RELN: variants seen among roughly 807,000 people sequenced by gnomAD.
RELN encodes reelin.
Under a neutral mutation model 427.6 loss-of-function variants are expected in RELN, and 108 were observed. That is an observed-to-expected ratio of 0.25 (90% CI 0.22 to 0.30). The LOEUF (loss-of-function observed/expected upper bound fraction) is 0.30, where lower values mean the gene tolerates loss of function less well. Among genes scored for constraint, RELN ranks in the 10% least tolerant of loss-of-function variants. The pLI is 1.00. For missense variants in RELN, 3,715 were observed against 4,302.8 expected (o/e 0.86, Z 3.82); for synonymous variants, 1,524 against 1,513.4 (o/e 1.01, Z -0.16).
chr7:103,692,563 T>C (rs1480590319), intron 10 of RELN, among the ~76,000 whole-genome samples: 2 of 151,950 alleles, frequency 1.3e-5, no homozygotes, highest in African/African-American at 4.8e-5. Flanking sequence ...GAGACCTACA[T>C]TGGAGGTGAG....
At chr7:103,724,162 A>C (rs1790144674) in intron 7 of RELN, among the ~76,000 whole-genome samples, 2 of 147,168 alleles carry the variant, frequency 1.4e-5, no homozygotes, top group Admixed American at 1.4e-4. Context: ...AGGTTGTCTT[A>C]CTTTTGCTGC....
chr7:103,858,164 A>G (rs1057285933), intron 2 of RELN, among the ~76,000 whole-genome samples: 5 of 152,206 alleles, frequency 3.3e-5, no homozygotes, highest in African/African-American at 9.6e-5. Flanking sequence ...GGCACTCGGC[A>G]GCTTGGGCTC....
In RELN at chr7:103,620,654, A is replaced by G. The variant is rs1033601484; in HGVS notation, c.2703-8851T>C. Reference sequence around the variant, plus strand: ...ACACCCAGCTAATTTCTGTATTTTTAGTAGAGATGAGGTTCCATCATGTTG... The same window carrying G: ...ACACCCAGCTAATTTCTGTATTTTTGGTAGAGATGAGGTTCCATCATGTTG... On this transcript the variant is annotated intron_variant, in intron 20 of 64. Transcript: ENST00000428762. This position sits in a 1 kb window ranked among gnomAD's most constrained non-coding sequence, Gnocchi z 4.1. Among the ~76,000 whole-genome samples the G allele has an allele frequency of 5.9e-5, 9 of 151,918 alleles. No individual in the cohort carries two copies. The highest frequency in any genetic ancestry group is 1.9e-4 in the African/African-American group (8 of 41,344).
At chr7:103,836,777 C>T (rs960613084) in intron 2 of RELN, among the ~76,000 whole-genome samples, 1 of 152,202 alleles carries the variant, frequency 6.6e-6, no homozygotes, top group Non-Finnish European at 1.5e-5. Context: ...GTAGCTACTC[C>T]TATGGGTCCC....
At chr7:103,891,117 T>TG (rs1563074052) in intron 2 of RELN, among the ~76,000 whole-genome samples, 1 of 151,952 alleles carries the variant, frequency 6.6e-6, no homozygotes, top group Non-Finnish European at 1.5e-5. Flanking sequence ...AAAAAGAAAG[T>TG]GGAATTCCAT....
chr7:103,756,557 C>T (rs1791159893), intron 4 of RELN, among the ~76,000 whole-genome samples: 1 of 152,092 alleles, frequency 6.6e-6, no homozygotes, highest in African/African-American at 2.4e-5. Flanking sequence ...AAAGCTACTC[C>T]TTAGTTGTAA....
intron 1 of RELN, among the ~76,000 whole-genome samples, chr7:103,925,317 A>G (rs1191181463): frequency 6.6e-6 from 1 of 152,168 alleles, no homozygotes; most frequent in African/African-American, 2.4e-5. Context: ...TCATTTTATC[A>G]TCCACTTTTG....
intron 1 of RELN, among the ~76,000 whole-genome samples, chr7:103,923,307 A>G (rs976240808): frequency 6.6e-6 from 1 of 152,196 alleles, no homozygotes; most frequent in African/African-American, 2.4e-5. Context: ...CCATAAAAAA[A>G]TACATTATAA....
chr7:103,825,869 A>C (rs577111066), intron 3 of RELN, among the ~76,000 whole-genome samples: 2 of 152,164 alleles, frequency 1.3e-5, no homozygotes, highest in East Asian at 3.9e-4. Context: ...AAATTTTAGA[A>C]TGTGTGTATG....
intron 2 of RELN, among the ~76,000 whole-genome samples, chr7:103,862,409 TTCTATCTATCTATCTA>T (rs66998908): frequency 0.015 from 2,221 of 144,806 alleles, 29 homozygotes; most frequent in Non-Finnish European, 0.021. Flanking sequence ...TATGCTTTTG[TTCTATCTATCTATCTA>T]TCTATCTATC....
At chr7:103,501,053 TA>T in intron 52 of RELN, 131 bp from the exon 53 acceptor site, 1 of 821,878 alleles carries the variant, frequency 1.2e-6, no homozygotes, top group Non-Finnish European at 2.0e-6. Flanking sequence ...AATAGGTTAA[TA>T]AAAAATGTTT....
At chr7:103,523,591 A>G in intron 46 of RELN, 60 bp from the exon 47 acceptor site, 1 of 1,563,570 alleles carries the variant, frequency 6.4e-7, no homozygotes, top group Non-Finnish European at 8.8e-7. Flanking sequence ...GTGTTCCAGT[A>G]TGTTTGAACA....
chr7:103,875,015 G>T (rs2116540751), intron 2 of RELN, among the ~76,000 whole-genome samples: 1 of 145,822 alleles, frequency 6.9e-6, no homozygotes, highest in Non-Finnish European at 1.5e-5. Flanking sequence ...CAGAGATACA[G>T]ATCAATGGAA....
At chr7:103,926,870 T>C (rs1795755520) in intron 1 of RELN, among the ~76,000 whole-genome samples, 1 of 133,254 alleles carries the variant, frequency 7.5e-6, no homozygotes, top group Non-Finnish European at 1.6e-5. Flanking sequence ...ACGGTTTCAA[T>C]CTCCTGACCT....
At chr7:103,884,938 C>T (rs913294779) in intron 2 of RELN, among the ~76,000 whole-genome samples, 2 of 152,142 alleles carry the variant, frequency 1.3e-5, no homozygotes, top group Non-Finnish European at 2.9e-5. Context: ...TCGGTATATA[C>T]CCAAAGGATT....
Position 103,603,768 on chromosome 7 carries a change from G to T in RELN, c.3147-278C>A, listed in dbSNP as rs1831735846. The stretch of plus-strand genomic sequence containing the variant: ...GAAGGACAGTGGTGTGTGTGCTTAT[G>T]TGAGTGTGTGTTTGTGGGGGGCTGA... On this transcript the variant is annotated intron_variant, in intron 23 of 64. Coordinates refer to ENST00000428762, the MANE Select transcript of RELN (RefSeq NM_005045.4). This position sits in a 1 kb window ranked among gnomAD's most constrained non-coding sequence, Gnocchi z 4.3. Among the ~76,000 whole-genome samples the T allele has an allele frequency of 6.6e-6, 1 of 152,210 alleles. No homozygotes were observed. Among genetic ancestry groups the T allele is most frequent in the South Asian group, 2.1e-4 (1 of 4,836 alleles).
chr7:103,818,128 G>T (rs1584265547), intron 3 of RELN, among the ~76,000 whole-genome samples: 1 of 151,944 alleles, frequency 6.6e-6, no homozygotes, highest in East Asian at 1.9e-4. Flanking sequence ...TATATTCAAA[G>T]TATACAGTTA....
At chr7:103,712,340 C>G (rs1789824945) in intron 8 of RELN, among the ~76,000 whole-genome samples, 1 of 152,062 alleles carries the variant, frequency 6.6e-6, no homozygotes, top group African/African-American at 2.4e-5. Context: ...GCATAACAAA[C>G]AGTATAAAGA....
chr7:103,747,712 AG>A (rs1562988696), intron 6 of RELN, among the ~76,000 whole-genome samples: 1 of 151,234 alleles, frequency 6.6e-6, no homozygotes, highest in Non-Finnish European at 1.5e-5. Context: ...TAAGGGATAA[AG>A]TAAAATTACT....
Sources: allele counts gnomAD v4.1 joint callset (sites outside exome capture counted in the v4.1 genomes callset), GRCh38; gene constraint gnomAD v4.1.1; non-coding constraint Gnocchi (gnomAD v3.1); transcripts MANE v1.5; gene names NCBI Gene and HGNC (gene_info 2026-07-23, HGNC 2026-07-21).